The following PARD3B variants were observed in gnomAD, a reference collection of about 807,000 sequenced individuals.
PARD3B encodes the protein par-3 family cell polarity regulator beta, also known as partitioning defective 3 homolog B.
PARD3B carries 103 observed loss-of-function variants against 130.2 expected under a neutral mutation model. The observed-to-expected ratio is 0.79, with a 90% CI of 0.67 to 0.93. The LOEUF (loss-of-function observed/expected upper bound fraction) is 0.93. Ranked by LOEUF, PARD3B falls within the 40% of genes least tolerant of loss-of-function variation. The pLI is 0.00. For missense variants in PARD3B, 1,609 were observed against 1,499.2 expected, an observed-to-expected ratio of 1.07 and a Z score of -1.21; for synonymous variants, 583 against 553.2, an observed-to-expected ratio of 1.05 and a Z score of -0.76.
intron 2 of PARD3B, among the ~76,000 whole-genome samples, chr2:204,903,623 GA>G (rs2046944665): frequency 6.6e-6 from 1 of 152,006 alleles, no homozygotes; most frequent in African/African-American, 2.4e-5. Flanking sequence ...TTAATTTCCT[GA>G]AAAATTTCCT....
At chr2:205,161,140 A>G (rs1432662636) in intron 11 of PARD3B, among the ~76,000 whole-genome samples, 1 of 152,190 alleles carries the variant, frequency 6.6e-6, no homozygotes, top group Non-Finnish European at 1.5e-5. Context: ...CGGAAATTAA[A>G]AGCAAACATC....
intron 2 of PARD3B, among the ~76,000 whole-genome samples, chr2:204,814,175 A>G (rs545579941): frequency 6.6e-6 from 1 of 151,980 alleles, no homozygotes; most frequent in East Asian, 1.9e-4. Flanking sequence ...GATCTTTGTT[A>G]CTTATTTGAT....
At chr2:205,576,466 T>G (rs1262279172) in intron 22 of PARD3B, among the ~76,000 whole-genome samples, 1 of 152,184 alleles carries the variant, frequency 6.6e-6, no homozygotes, top group Non-Finnish European at 1.5e-5. Context: ...TTGAGTTAAT[T>G]TTTGTGAAGG....
At chr2:205,394,293 T>A (rs1233998568) in intron 18 of PARD3B, among the ~76,000 whole-genome samples, 1 of 152,208 alleles carries the variant, frequency 6.6e-6, no homozygotes, top group Non-Finnish European at 1.5e-5. Context: ...CTTTGATTTC[T>A]TAAATTCTAC....
At chr2:204,852,920 G>C (rs187732339) in intron 2 of PARD3B, among the ~76,000 whole-genome samples, 1 of 152,146 alleles carries the variant, frequency 6.6e-6, no homozygotes, top group Non-Finnish European at 1.5e-5. Flanking sequence ...CATTTTTGAA[G>C]TTCTTTCAGG....
At chr2:205,447,058 C>T (rs2047931422) in intron 20 of PARD3B, among the ~76,000 whole-genome samples, 1 of 152,168 alleles carries the variant, frequency 6.6e-6, no homozygotes, top group African/African-American at 2.4e-5. Context: ...CGGGTGTTAA[C>T]CTCTAAAAAT....
At chr2:205,129,910 G>A (rs956708860) in intron 10 of PARD3B, among the ~76,000 whole-genome samples, 5 of 152,160 alleles carry the variant, frequency 3.3e-5, no homozygotes, top group African/African-American at 4.8e-5. Context: ...TAAAAGAACT[G>A]TGCTGAACTC....
chr2:205,448,203 A>G (rs999196038), intron 20 of PARD3B, among the ~76,000 whole-genome samples: 7 of 152,164 alleles, frequency 4.6e-5, no homozygotes, highest in African/African-American at 1.7e-4. Flanking sequence ...GAATGTGTAC[A>G]CTAAAGTCTA....
At chr2:205,046,667 T>C (rs909960603) in intron 3 of PARD3B, among the ~76,000 whole-genome samples, 8 of 152,166 alleles carry the variant, frequency 5.3e-5, no homozygotes, top group African/African-American at 1.4e-4. Context: ...TGGGGAATCA[T>C]TTTCAGAATA....
intron 18 of PARD3B, among the ~76,000 whole-genome samples, chr2:205,381,475 A>G (rs919620306): frequency 9.2e-5 from 14 of 151,476 alleles, no homozygotes; most frequent in Non-Finnish European, 1.2e-4. Flanking sequence ...CAAGCTTTGG[A>G]AGGTCGGAAG....
chr2:204,825,769 G>T (rs2043546173), intron 2 of PARD3B, among the ~76,000 whole-genome samples: 1 of 152,176 alleles, frequency 6.6e-6, no homozygotes, highest in Non-Finnish European at 1.5e-5. Flanking sequence ...CTTGAAAAAG[G>T]CCCTGTCTTC....
intron 19 of PARD3B, among the ~76,000 whole-genome samples, chr2:205,438,087 G>T (rs1158263750): frequency 6.6e-6 from 1 of 152,034 alleles, no homozygotes; most frequent in Non-Finnish European, 1.5e-5. Context: ...AATAATGATT[G>T]TTCAGAGAAA....
At chr2:205,387,248 G>A (rs931990065) in intron 18 of PARD3B, among the ~76,000 whole-genome samples, 2 of 152,040 alleles carry the variant, frequency 1.3e-5, no homozygotes, top group African/African-American at 4.8e-5. Flanking sequence ...AAATTGCTTT[G>A]GAATTACTAT....
chr2:204,791,967 G>A (rs577392633), intron 2 of PARD3B, among the ~76,000 whole-genome samples: 2 of 152,154 alleles, frequency 1.3e-5, no homozygotes, highest in South Asian at 2.1e-4. Context: ...GTTGATAATC[G>A]TTGGTGGTAC....
chr2:205,572,173 G>A lies in PARD3B; in HGVS notation c.3260+18770G>A, dbSNP rs1471754928. Among the ~76,000 whole-genome samples, 1 of 152,160 alleles carries A rather than the reference G, an allele frequency of 6.6e-6. No individual in the cohort carries two copies. Among genetic ancestry groups the A allele is most frequent in the African/African-American group, 2.4e-5 (1 of 41,424 alleles). Reference sequence around the variant, plus strand: ...AGGAAGTATTCTTCCATAAAACACAGTTCTTATCTCTAGGGATTTTCAGTC... The same window carrying A: ...AGGAAGTATTCTTCCATAAAACACAATTCTTATCTCTAGGGATTTTCAGTC... On this transcript the variant is annotated intron_variant, in intron 22 of 22. Transcript: ENST00000406610. The surrounding 1 kb of genome is among the most constrained non-coding windows in gnomAD (Gnocchi z 4.2).
intron 21 of PARD3B, among the ~76,000 whole-genome samples, chr2:205,500,361 G>A (rs923586831): frequency 1.3e-5 from 2 of 152,166 alleles, no homozygotes; most frequent in Non-Finnish European, 2.9e-5. Flanking sequence ...TGCAACACAA[G>A]CCATCTCTCC....
At chr2:205,598,583 T>G (rs533200658) in intron 22 of PARD3B, among the ~76,000 whole-genome samples, 1 of 152,296 alleles carries the variant, frequency 6.6e-6, no homozygotes, top group African/African-American at 2.4e-5. Context: ...AGGAAAGATA[T>G]TCTGGACTTA....
chr2:204,838,570 G>A (rs2125583152), intron 2 of PARD3B, among the ~76,000 whole-genome samples: 1 of 152,082 alleles, frequency 6.6e-6, no homozygotes, highest in Non-Finnish European at 1.5e-5. Context: ...AGGATGGAAG[G>A]GTATGCTGTG....
chr2:205,205,622 C>T (rs1045138248), intron 15 of PARD3B, among the ~76,000 whole-genome samples: 1 of 152,124 alleles, frequency 6.6e-6, no homozygotes, highest in African/African-American at 2.4e-5. Context: ...TACATTCCAT[C>T]AATACCTAGT....
Sources: allele counts gnomAD v4.1 joint callset (sites outside exome capture counted in the v4.1 genomes callset), GRCh38; gene constraint gnomAD v4.1.1; non-coding constraint Gnocchi (gnomAD v3.1); transcripts MANE v1.5; gene names NCBI Gene and HGNC (gene_info 2026-07-23, HGNC 2026-07-21).